HDGFL2: variants seen among roughly 807,000 people sequenced by gnomAD.
HDGFL2 encodes the protein hepatoma-derived growth factor-related protein 2.
Under a neutral mutation model 77.1 loss-of-function variants are expected in HDGFL2, and 36 were observed. The ratio of observed to expected loss-of-function variants is 0.47; its 90% CI spans 0.36 to 0.62. HDGFL2 has a LOEUF of 0.62. Ranked by LOEUF, HDGFL2 falls within the 20% of genes least tolerant of loss-of-function variation. The pLI is 0.00. For synonymous variants in HDGFL2, 463 were observed against 413.1 expected, an observed-to-expected ratio of 1.12 and a Z score of -1.46; for missense variants, 976 against 973.4, an observed-to-expected ratio of 1.00 and a Z score of -0.04.
rs1975920379 is a variant in HDGFL2 at position 4,502,076 on chromosome 19, G to A, written c.*66G>A. ...TGCCCCTCTCCTTCCCCGGCTCGCA[G>A]GAGAGCAGAGCAGAGAACTGTGGGG... On this transcript the variant is annotated 3_prime_UTR_variant, in exon 16 of 16. Coordinates refer to ENST00000616600, the MANE Select transcript of HDGFL2 (RefSeq NM_001001520.3). 8.7e-7 allele frequency: 1 copy of A among 1,148,230 alleles called. No homozygotes were observed. Among genetic ancestry groups the A allele is most frequent in the Non-Finnish European group, 1.3e-6 (1 of 792,578 alleles). 71.1% of individuals were successfully genotyped at this position (1,148,230 alleles called of 1,614,324 possible).
chr19:4,501,068 G>A (rs1415488129), intron 14 of HDGFL2, 123 bp from the exon 15 acceptor site: 3 of 1,196,800 alleles, frequency 2.5e-6, no homozygotes, highest in East Asian at 2.7e-5. Context: ...TGGGGTCCAG[G>A]TGGATGGGCA....
intron 11 of HDGFL2, 99 bp downstream of exon 11, chr19:4,498,130 G>C: frequency 7.9e-7 from 1 of 1,258,204 alleles, no homozygotes; most frequent in South Asian, 1.3e-5. Context: ...CCTAGAGAGG[G>C]TGCTCAGCAC....
chr19:4,500,545 C>T (rs1975839089), intron 14 of HDGFL2, among the ~76,000 whole-genome samples: 1 of 151,388 alleles, frequency 6.6e-6, no homozygotes, highest in Non-Finnish European at 1.5e-5. Flanking sequence ...ACTGCAAGCT[C>T]CGCCTCCTGG....
intron 6 of HDGFL2, among the ~76,000 whole-genome samples, chr19:4,492,854 T>TTTGTG (rs1568212896): frequency 1.9e-4 from 29 of 149,022 alleles, no homozygotes; most frequent in Middle Eastern, 3.5e-3. Context: ...GTGTGTTGTC[T>TTTGTG]GTGTGTGTGT....
chr19:4,484,336 G>C (rs1319827319), intron 3 of HDGFL2, among the ~76,000 whole-genome samples: 1 of 151,504 alleles, frequency 6.6e-6, no homozygotes, highest in Non-Finnish European at 1.5e-5. Flanking sequence ...CACCTGCCTC[G>C]GCCTACCAAA....
At chr19:4,477,777 G>A (rs563561079) in intron 3 of HDGFL2, among the ~76,000 whole-genome samples, 2 of 152,184 alleles carry the variant, frequency 1.3e-5, no homozygotes, top group East Asian at 1.9e-4. Flanking sequence ...TAGATGGAAC[G>A]TGTGTTTAAG....
At chr19:4,498,793 C>T in intron 12 of HDGFL2, 21 bp from the exon 13 acceptor site, 1 of 1,565,976 alleles carries the variant, frequency 6.4e-7, no homozygotes, top group South Asian at 1.1e-5. Context: ...CCGTCTCCCT[C>T]ACTCCCACCC....
At chr19:4,477,112 G>A (rs1183844198) in intron 3 of HDGFL2, among the ~76,000 whole-genome samples, 1 of 152,116 alleles carries the variant, frequency 6.6e-6, no homozygotes, top group African/African-American at 2.4e-5. Context: ...GAGAACCTGG[G>A]GTCTTGAGGT....
intron 3 of HDGFL2, among the ~76,000 whole-genome samples, chr19:4,487,095 G>A (rs1975382272): frequency 6.6e-6 from 1 of 151,818 alleles, no homozygotes; most frequent in South Asian, 2.1e-4. Flanking sequence ...CTCCCGAGTA[G>A]CTGGGATTAC....
At chr19:4,473,589 G>T (rs1974998948) in intron 1 of HDGFL2, among the ~76,000 whole-genome samples, 1 of 151,420 alleles carries the variant, frequency 6.6e-6, no homozygotes, top group Non-Finnish European at 1.5e-5. Context: ...GGGCTGGGGG[G>T]CCGAGGGCCA....
intron 4 of HDGFL2, among the ~76,000 whole-genome samples, chr19:4,489,109 G>A (rs569654975): frequency 1.3e-5 from 2 of 149,882 alleles, no homozygotes; most frequent in East Asian, 2.0e-4. Flanking sequence ...ACCTGCCACC[G>A]CACTTGGCTA....
chr19:4,500,657 T>G (rs1975843834), intron 14 of HDGFL2, among the ~76,000 whole-genome samples: 1 of 152,134 alleles, frequency 6.6e-6, no homozygotes, highest in Non-Finnish European at 1.5e-5. Flanking sequence ...GAGATGGGGT[T>G]TCACCGTGTT....
At chr19:4,495,715 TCTCGGGTGCC>T (rs2145207140) in intron 9 of HDGFL2, among the ~76,000 whole-genome samples, 1 of 152,096 alleles carries the variant, frequency 6.6e-6, no homozygotes, top group East Asian at 1.9e-4. Flanking sequence ...ACTCGGGTGC[TCTCGGGTGCC>T]CTCTGGCTGC....
intron 10 of HDGFL2, chr19:4,497,417 T>G (rs756180339): frequency 3.0e-4 from 92 of 305,510 alleles, no homozygotes; most frequent in Admixed American, 1.2e-3. Context: ...CAGGATGGTC[T>G]CTATCTCCTA....
At position 4,488,771 on chromosome 19, in the gene HDGFL2, C is replaced by A. The variant is rs763627595; in HGVS notation, c.384C>A (p.Val128=). The A allele has an allele frequency of 2.6e-6, 4 of 1,552,400 alleles. No individual in the cohort carries two copies. In the East Asian group the frequency reaches 7.3e-5, roughly 28 times the overall value. The part of the protein sequence containing the change: ...EDDEDRGVMA[V]TAVTATAASD... The stretch of plus-strand genomic sequence containing the variant: ...ATGAGGACCGGGGGGTCATGGCCGT[C>A]ACAGCGGTAACCGCCACAGCTGCCA... Residue 128 remains valine, a synonymous_variant, in exon 4 of 16, where the codon GTC becomes GTA. Coordinates refer to ENST00000616600, the MANE Select transcript of HDGFL2 (RefSeq NM_001001520.3).
At chr19:4,473,590 C>T (rs1282601976) in intron 1 of HDGFL2, among the ~76,000 whole-genome samples, 2 of 150,550 alleles carry the variant, frequency 1.3e-5, no homozygotes, top group East Asian at 2.0e-4. Context: ...GGCTGGGGGG[C>T]CGAGGGCCAT....
intron 6 of HDGFL2, 48 bp from the exon 7 acceptor site, chr19:4,493,655 C>T (rs757941059): frequency 2.1e-6 from 3 of 1,396,356 alleles, no homozygotes; most frequent in Admixed American, 3.2e-5. Context: ...CGCCCCGCTT[C>T]TCACGGTGGG....
intron 14 of HDGFL2, among the ~76,000 whole-genome samples, chr19:4,500,853 C>T (rs1388796519): frequency 2.0e-5 from 3 of 152,204 alleles, no homozygotes; most frequent in Non-Finnish European, 2.9e-5. Context: ...GTGAGCCTCA[C>T]GTCTCGGCCT....
chr19:4,473,194 G>C (rs538030440), intron 1 of HDGFL2, among the ~76,000 whole-genome samples: 1 of 149,102 alleles, frequency 6.7e-6, no homozygotes, highest in Non-Finnish European at 1.5e-5. Flanking sequence ...ACCTGAGGGA[G>C]CTGCGCCGTG....
Sources: gnomAD v4.1 joint callset for allele counts (sites outside exome capture counted in the v4.1 genomes callset) on GRCh38, gnomAD v4.1.1 for gene constraint, MANE v1.5 for transcripts, NCBI Gene and HGNC (gene_info 2026-07-23, HGNC 2026-07-21) for gene names.